DENND10: variants seen among roughly 807,000 people sequenced by gnomAD.
DENND10 encodes DENN domain-containing protein 10.
DENND10 carries 24 observed loss-of-function variants against 43.6 expected under a neutral mutation model. The observed-to-expected ratio is 0.55, with a 90% confidence interval of 0.40 to 0.77. DENND10 has a LOEUF of 0.77. Among genes scored for constraint, DENND10 ranks in the 30% least tolerant of loss-of-function variants. The pLI, the probability that DENND10 is intolerant of heterozygous loss-of-function variation, is 0.00. For missense variants in DENND10, 303 were observed against 429.9 expected (o/e 0.70, Z 2.61); for synonymous variants, 125 against 157.6 (o/e 0.79, Z 1.55).
chr10:119,111,699 T>G (rs914443951), intron 2 of DENND10, 150 bp from the exon 3 acceptor site: 59 of 599,574 alleles, frequency 9.8e-5, no homozygotes, highest in Middle Eastern at 4.0e-4. Context: ...CATGCAGAAG[T>G]ATAAAGAAGC....
chr10:119,119,978 TG>T (rs1447646625), intron 4 of DENND10, among the ~76,000 whole-genome samples: 2 of 152,184 alleles, frequency 1.3e-5, no homozygotes, highest in Non-Finnish European at 2.9e-5. Flanking sequence ...TCAGGTGCTG[TG>T]ACTCACACCT....
chr10:119,122,297 G>A (rs1459344091), intron 5 of DENND10, among the ~76,000 whole-genome samples: 5 of 152,176 alleles, frequency 3.3e-5, no homozygotes, highest in Non-Finnish European at 7.4e-5. Flanking sequence ...GACGGAGTGA[G>A]GCCCTGTCAC....
At chr10:119,135,816 A>AC (rs1846325008) in intron 8 of DENND10, among the ~76,000 whole-genome samples, 2 of 127,666 alleles carry the variant, frequency 1.6e-5, no homozygotes, top group African/African-American at 5.6e-5. Context: ...AAAAAAAAAA[A>AC]CCAAAACCAC....
chr10:119,132,331 C>T lies in DENND10; in HGVS notation c.803-184C>T, dbSNP rs897488089. 2.0e-5 allele frequency among the ~76,000 whole-genome samples: 3 copies of T among 152,114 alleles called. No individual in the cohort carries two copies. Among genetic ancestry groups the T allele is most frequent in the Non-Finnish European group, 4.4e-5 (3 of 68,034 alleles). On this transcript the variant is annotated intron_variant, in intron 7 of 8. Coordinates refer to ENST00000361432, the MANE Select transcript of DENND10 (RefSeq NM_207009.4). This position sits in a 1 kb window ranked among gnomAD's most constrained non-coding sequence, Gnocchi z 4.2. ...TATGTTTGCCCAGAAGTATAAATCA[C>T]GATTATATTATGCCTTTCCTCCCAG...
intron 1 of DENND10, 58 bp downstream of exon 1, chr10:119,104,255 C>T (rs1844570445): frequency 1.4e-6 from 2 of 1,455,498 alleles, no homozygotes; most frequent in Non-Finnish European, 1.8e-6. Flanking sequence ...TCTGCTCCAC[C>T]TCGGCCCGGG....
At chr10:119,135,704 C>T (rs1405370507) in intron 8 of DENND10, among the ~76,000 whole-genome samples, 1 of 139,824 alleles carries the variant, frequency 7.2e-6, no homozygotes, top group African/African-American at 2.7e-5. Context: ...GATGGTGAAA[C>T]GTGCTGGAAA....
chr10:119,119,325 A>G (rs1461330218), intron 4 of DENND10, among the ~76,000 whole-genome samples: 1 of 151,710 alleles, frequency 6.6e-6, no homozygotes, highest in East Asian at 1.9e-4. Flanking sequence ...TATTTTTAGT[A>G]GAGATGGGGT....
At chr10:119,125,055 T>C (rs1187231641) in intron 6 of DENND10, among the ~76,000 whole-genome samples, 1 of 152,136 alleles carries the variant, frequency 6.6e-6, no homozygotes, top group Admixed American at 6.6e-5. Flanking sequence ...CACTGCAACC[T>C]CTGCCTCCTA....
intron 3 of DENND10, among the ~76,000 whole-genome samples, chr10:119,115,113 T>C (rs1305496500): frequency 1.3e-5 from 2 of 152,036 alleles, no homozygotes; most frequent in African/African-American, 4.8e-5. Flanking sequence ...TTGTTGTTGG[T>C]AGTAATAAAG....
In DENND10 at chr10:119,116,660, T is replaced by G. The variant is rs920323931; in HGVS notation, c.333-859T>G. 7.7e-5 allele frequency among the ~76,000 whole-genome samples: 7 copies of G among 91,486 alleles called. 1 individual carries two copies. The Admixed American group carries it at 7.7e-4, about 10-fold the overall frequency. 60.0% of individuals were successfully genotyped at this position (91,486 alleles called of 152,430 possible). On this transcript the variant is annotated intron_variant, in intron 3 of 8. Coordinates refer to ENST00000361432, the MANE Select transcript of DENND10 (RefSeq NM_207009.4). ...TCTCAAGCTTTTTCTTTTCTTTCTT[T>G]CTTTCTTTTTTTTTTTTTTTTTTTT...
intron 6 of DENND10, among the ~76,000 whole-genome samples, chr10:119,125,394 C>G (rs1333282622): frequency 6.6e-6 from 1 of 151,126 alleles, no homozygotes; most frequent in Non-Finnish European, 1.5e-5. Context: ...TGTTTTGATA[C>G]AGGCCTACAA....
intron 3 of DENND10, among the ~76,000 whole-genome samples, chr10:119,116,835 ATTT>A (rs80097276): frequency 6.4e-4 from 92 of 144,618 alleles, no homozygotes; most frequent in Admixed American, 7.6e-4. Flanking sequence ...CACCTGGCTA[ATTT>A]TTTTTTTTTT....
At chr10:119,131,188 G>A (rs1392100787) in intron 7 of DENND10, among the ~76,000 whole-genome samples, 1 of 152,228 alleles carries the variant, frequency 6.6e-6, no homozygotes, top group East Asian at 1.9e-4. Context: ...GCCGGCCATG[G>A]TGGCTCACGC....
intron 8 of DENND10, among the ~76,000 whole-genome samples, 158 bp from the exon 9 acceptor site, chr10:119,136,313 G>A (rs926183406): frequency 1.1e-4 from 16 of 151,896 alleles, no homozygotes; most frequent in African/African-American, 2.7e-4. Flanking sequence ...CTCCTGCCAC[G>A]GTCTCCCAAA....
At chr10:119,108,238 A>G in intron 2 of DENND10, 74 bp downstream of exon 2, 1 of 1,060,504 alleles carries the variant, frequency 9.4e-7, no homozygotes, top group African/African-American at 1.6e-5. Context: ...TAATCCCAGC[A>G]CTTTGGGAGG....
chr10:119,105,921 C>T (rs761077800), intron 1 of DENND10, among the ~76,000 whole-genome samples: 3 of 152,008 alleles, frequency 2.0e-5, no homozygotes, highest in Admixed American at 1.3e-4. Flanking sequence ...AGAGGCCAGG[C>T]GTGGTGGCTC....
At chr10:119,106,486 A>C (rs1226367909) in intron 1 of DENND10, among the ~76,000 whole-genome samples, 5 of 152,070 alleles carry the variant, frequency 3.3e-5, no homozygotes, top group African/African-American at 1.2e-4. Context: ...GACCATAGGC[A>C]CACACCACCA....
chr10:119,132,504 G>A lies in DENND10; in HGVS notation c.803-11G>A. On this transcript the variant is annotated splice_polypyrimidine_tract_variant and intron_variant, in intron 7 of 8. Transcript: ENST00000361432. This position sits in a 1 kb window ranked among gnomAD's most constrained non-coding sequence, Gnocchi z 4.2. Reference sequence around the variant, plus strand: ...TCGATTTCTAAATATTCACCTTCTTGATCTCACCAGAGGCCATGGCAATGG... The same window carrying A: ...TCGATTTCTAAATATTCACCTTCTTAATCTCACCAGAGGCCATGGCAATGG... The A allele has an allele frequency of 6.2e-7, 1 of 1,602,032 alleles. No individual in the cohort carries two copies. The highest frequency in any genetic ancestry group is 8.6e-7 in the Non-Finnish European group (1 of 1,169,016).
intron 1 of DENND10, chr10:119,105,687 T>G (rs1056906003): frequency 1.5e-5 from 3 of 206,576 alleles, no homozygotes; most frequent in Non-Finnish European, 2.6e-5. Context: ...CACACTAACG[T>G]GCATTTAAAA....
Sources: gnomAD v4.1 joint callset for allele counts (sites outside exome capture counted in the v4.1 genomes callset) on GRCh38, gnomAD v4.1.1 for gene constraint, Gnocchi (gnomAD v3.1) non-coding constraint, MANE v1.5 for transcripts, NCBI Gene and HGNC (gene_info 2026-07-23, HGNC 2026-07-21) for gene names.